The following GPAM variants were observed in gnomAD, a reference collection of about 807,000 sequenced individuals.
GPAM encodes glycerol-3-phosphate acyltransferase, mitochondrial, also known as glycerol-3-phosphate acyltransferase 1, mitochondrial.
A neutral mutation model predicts 105.0 loss-of-function variants in GPAM; 56 were observed. The ratio of observed to expected loss-of-function variants is 0.53; its 90% confidence interval spans 0.43 to 0.67. The LOEUF (loss-of-function observed/expected upper bound fraction) is 0.67, where lower values mean the gene tolerates loss of function less well. Among genes scored for constraint, GPAM ranks in the 30% least tolerant of loss-of-function variants. The pLI is 0.00. For missense variants in GPAM, 855 were observed against 989.8 expected, an observed-to-expected ratio of 0.86 and a Z score of 1.83; for synonymous variants, 368 against 354.4, an observed-to-expected ratio of 1.04 and a Z score of -0.43.
intron 5 of GPAM, among the ~76,000 whole-genome samples, chr10:112,176,285 T>C (rs529592169): frequency 6.6e-6 from 1 of 152,248 alleles, no homozygotes; most frequent in Non-Finnish European, 1.5e-5. Flanking sequence ...ATTTCTCACT[T>C]TTTCCCCCTT....
At chr10:112,176,656 T>A (rs762973384) in intron 5 of GPAM, among the ~76,000 whole-genome samples, 5 of 152,172 alleles carry the variant, frequency 3.3e-5, no homozygotes, top group Non-Finnish European at 5.9e-5. Flanking sequence ...CCTAAACTCC[T>A]CCTTCAGTCA....
At chr10:112,196,418 A>T (rs1331258669) in intron 1 of GPAM, among the ~76,000 whole-genome samples, 1 of 152,232 alleles carries the variant, frequency 6.6e-6, no homozygotes, top group Non-Finnish European at 1.5e-5. Context: ...GAAATTTGAC[A>T]TATAAAAGCT....
rs1846983625 is a variant in GPAM at position 112,154,691 on chromosome 10, A to G, written c.2312-4T>C. ...AGACAATATGTGGCACTCTCAGCTG[A>G]AGAGAGAGAATAAAACCCTGTCAAA... is the stretch of plus-strand genomic sequence containing the variant. On this transcript the variant is annotated splice_polypyrimidine_tract_variant and splice_region_variant and intron_variant, in intron 20 of 21. Coordinates refer to ENST00000348367, the MANE Select transcript of GPAM (RefSeq NM_001244949.2). The G allele has an allele frequency of 1.9e-6, 3 of 1,599,672 alleles. No individual in the cohort carries two copies. The highest frequency in any genetic ancestry group is 2.2e-5 in the East Asian group (1 of 44,794).
intron 1 of GPAM, among the ~76,000 whole-genome samples, chr10:112,207,000 G>T (rs1215668622): frequency 1.3e-5 from 2 of 152,188 alleles, no homozygotes; most frequent in East Asian, 1.9e-4. Flanking sequence ...ACAGTGCCTA[G>T]CACAGAGTAG....
rs1359443182 is a variant in GPAM, at chr10:112,206,641, G to A, written n.210+8527C>T. ...CAATGAGATCACATGGACACAGGAA[G>A]GGGAATATCACACTCTGGGGACTGT... is the stretch of plus-strand genomic sequence containing the variant. On this transcript the variant is annotated intron_variant and non_coding_transcript_variant, in intron 1 of 3. Coordinates refer to the GPAM transcript ENST00000480130. Among the ~76,000 whole-genome samples the A allele has an allele frequency of 1.4e-3, 172 of 122,946 alleles. 5 individuals are homozygous for A. The East Asian group carries it at 0.034, about 24-fold the overall frequency. 80.7% of individuals were successfully genotyped at this position (122,946 alleles called of 152,430 possible).
chr10:112,182,385 A>T (rs183739628), intron 2 of GPAM, among the ~76,000 whole-genome samples: 1 of 152,228 alleles, frequency 6.6e-6, no homozygotes, highest in Non-Finnish European at 1.5e-5. Context: ...GGTAATACAA[A>T]GCTACAAAGC....
chr10:112,193,886 T>C (rs1847692807), intron 1 of GPAM, among the ~76,000 whole-genome samples: 1 of 152,254 alleles, frequency 6.6e-6, no homozygotes, highest in South Asian at 2.1e-4. Flanking sequence ...GAGGAAATGC[T>C]ATTCCTTTGA....
Position 112,163,915 on chromosome 10 carries a change from T to C in GPAM, c.1308-99A>G, listed in dbSNP as rs143949553. 2.4e-3 allele frequency: 1,703 copies of C among 709,836 alleles called. 24 individuals are homozygous for C. The African/African-American group carries it at 0.026, about 11-fold the overall frequency. The allele number at this position is 709,836 out of a possible 1,614,324, so 44.0% of individuals were successfully genotyped here. On this transcript the variant is annotated intron_variant, in intron 13 of 21. Coordinates refer to ENST00000348367, the MANE Select transcript of GPAM (RefSeq NM_001244949.2). ...ATGAATTAGATACTTTAAATTACTA[T>C]ATATTTTAAATTTAAACCACAAACA...
At chr10:112,191,116 A>G (rs1847653299) in intron 1 of GPAM, among the ~76,000 whole-genome samples, 1 of 152,160 alleles carries the variant, frequency 6.6e-6, no homozygotes, top group Non-Finnish European at 1.5e-5. Context: ...AGACAAGCAC[A>G]TTTTCCTGGA....
intron 1 of GPAM, among the ~76,000 whole-genome samples, chr10:112,207,831 T>G (rs1847868302): frequency 6.6e-6 from 1 of 152,192 alleles, no homozygotes; most frequent in African/African-American, 2.4e-5. Context: ...GAGTCTCTTT[T>G]GCAGTTGCTG....
At chr10:112,210,708 C>A (rs1471363566) in intron 1 of GPAM, among the ~76,000 whole-genome samples, 1 of 152,194 alleles carries the variant, frequency 6.6e-6, no homozygotes, top group African/African-American at 2.4e-5. Context: ...TTCCTTTCAT[C>A]GCCCTCTGCA....
intron 14 of GPAM, among the ~76,000 whole-genome samples, chr10:112,162,890 G>C (rs973021753): frequency 2.0e-5 from 3 of 152,044 alleles, no homozygotes; most frequent in Non-Finnish European, 4.4e-5. Flanking sequence ...AATCAAATGT[G>C]CTTGAGAAAG....
Position 112,175,645 on chromosome 10 carries a change from C to A in GPAM, c.368G>T (p.Gly123Val). The part of the protein sequence containing the change: ...LFIQERDVHK[G>V]MFATNVTENV... ...TTCAGTCACATTGGTGGCAAACATG[C>A]CCTTATGCACATCTCGCTCTTGAAT... The change falls in exon 6 of 22, where the codon GGC becomes GTC. Residue 123 changes from glycine to valine, a missense_variant. Coordinates refer to ENST00000348367, the MANE Select transcript of GPAM (RefSeq NM_001244949.2). 5.6e-6 allele frequency: 9 copies of A among 1,612,670 alleles called. No homozygotes were observed. Among genetic ancestry groups the A allele is most frequent in the Non-Finnish European group, 7.6e-6 (9 of 1,178,736 alleles).
At position 112,153,552 on chromosome 10, in the gene GPAM, A is replaced by G. The variant is rs1846958709; in HGVS notation, c.2485T>C (p.Ter829GlnextTer9). 6.2e-7 allele frequency: 1 copy of G among 1,613,796 alleles called. No individual in the cohort carries two copies. Among genetic ancestry groups the G allele is most frequent in the Admixed American group, 1.7e-5 (1 of 59,998 alleles). Residue 829 changes from the stop codon to glutamine (Q), a stop_lost, in exon 22 of 22, where the codon TAG becomes CAG. Transcript: ENST00000348367. ...LEYILSFVVL* is the reference protein window; with the variant it reads ...LEYILSFVVLQ ...TTGCCAGCAGTGCCACACGTTACCT[A>G]CAGCACCACAAAACTCAGAATATAT...
At chr10:112,193,656 A>T (rs938871268) in intron 1 of GPAM, among the ~76,000 whole-genome samples, 7 of 152,214 alleles carry the variant, frequency 4.6e-5, no homozygotes, top group Non-Finnish European at 1.0e-4. Flanking sequence ...CTGATACTAA[A>T]GCCCAAACAT....
At position 112,166,513 on chromosome 10, in the gene GPAM, G is replaced by A; in HGVS notation, c.1110C>T (p.Gly370=). The part of the protein sequence containing the change: ...IEGHYNGEQL[G]KPKKNESLWS... ...ACAGGCTCTCATTCTTCTTAGGTTT[G>A]CCCTAAATTCCAATAGTGAGAATAA... The change falls in exon 12 of 22, where the codon GGC becomes GGT. Residue 370 remains glycine, a splice_region_variant and synonymous_variant. Coordinates refer to ENST00000348367, the MANE Select transcript of GPAM (RefSeq NM_001244949.2). The A allele has an allele frequency of 6.4e-7, 1 of 1,569,476 alleles. No individual in the cohort carries two copies.
upstream of GPAM, among the ~76,000 whole-genome samples, chr10:112,187,583 A>G (rs1170603721): frequency 2.0e-5 from 3 of 152,182 alleles, no homozygotes; most frequent in Non-Finnish European, 4.4e-5. Flanking sequence ...AATTGCAAGA[A>G]GAAATTTTAA....
At chr10:112,181,417 C>T (rs1847505413) in intron 3 of GPAM, among the ~76,000 whole-genome samples, 1 of 151,926 alleles carries the variant, frequency 6.6e-6, no homozygotes, top group Admixed American at 6.6e-5. Context: ...AATTTCTTAC[C>T]GACCCAAAAC....
intron 16 of GPAM, 140 bp downstream of exon 16, chr10:112,160,464 T>C (rs906159912): frequency 1.6e-6 from 2 of 1,215,602 alleles, no homozygotes; most frequent in African/African-American, 3.0e-5. Flanking sequence ...GGAGATTACA[T>C]TTTCGTTTGA....
Sources: gnomAD v4.1 joint callset for allele counts (sites outside exome capture counted in the v4.1 genomes callset) on GRCh38, gnomAD v4.1.1 for gene constraint, MANE v1.5 for transcripts, NCBI Gene and HGNC (gene_info 2026-07-23, HGNC 2026-07-21) for gene names.